Variants in RBMS1 observed in about 807,000 individuals in gnomAD.
RBMS1 encodes RNA binding motif single stranded interacting protein 1.
Under a neutral mutation model 62.3 loss-of-function variants are expected in RBMS1, and 17 were observed. The ratio of observed to expected loss-of-function variants is 0.27; its 90% CI spans 0.19 to 0.41. The LOEUF is 0.41. Ranked by LOEUF, RBMS1 falls within the 10% of genes least tolerant of loss-of-function variation. The pLI is 1.00. For synonymous variants in RBMS1, 172 were observed against 170.0 expected, an observed-to-expected ratio of 1.01 and a Z score of -0.09; for missense variants, 334 against 504.5, an observed-to-expected ratio of 0.66 and a Z score of 3.24.
intron 1 of RBMS1, among the ~76,000 whole-genome samples, chr2:160,443,355 T>A (rs1423514122): frequency 6.6e-6 from 1 of 152,076 alleles, no homozygotes; most frequent in East Asian, 1.9e-4. Flanking sequence ...CAGTTAAGCA[T>A]GTGCTATAGT....
chr2:160,342,422 G>A (rs1691920322), intron 2 of RBMS1, among the ~76,000 whole-genome samples: 1 of 152,042 alleles, frequency 6.6e-6, no homozygotes, highest in Non-Finnish European at 1.5e-5. Context: ...ATATTCTAGA[G>A]GTCAGACAGA....
intron 1 of RBMS1, among the ~76,000 whole-genome samples, chr2:160,383,035 A>G (rs921629980): frequency 1.3e-5 from 2 of 152,214 alleles, no homozygotes; most frequent in Non-Finnish European, 1.5e-5. Context: ...TTAAGATGAA[A>G]TATCAATGGA....
At chr2:160,324,899 TATATATATACACACACAC>T (rs1690821515) in intron 2 of RBMS1, among the ~76,000 whole-genome samples, 1 of 120,750 alleles carries the variant, frequency 8.3e-6, no homozygotes, top group African/African-American at 3.4e-5. Flanking sequence ...TATATATATA[TATATATATACACACACAC>T]ACACACACAC....
At chr2:160,399,276 A>G (rs1450008464) in intron 1 of RBMS1, among the ~76,000 whole-genome samples, 1 of 152,236 alleles carries the variant, frequency 6.6e-6, no homozygotes, top group East Asian at 1.9e-4. Context: ...GAAAGCTATG[A>G]ATCTCTACCA....
chr2:160,294,533 T>G (rs1219379511), intron 6 of RBMS1, among the ~76,000 whole-genome samples: 1 of 152,214 alleles, frequency 6.6e-6, no homozygotes, highest in African/African-American at 2.4e-5. Context: ...TGCTTAGTCA[T>G]CTAGAGACTT....
At chr2:160,334,295 G>A (rs910552959) in intron 2 of RBMS1, among the ~76,000 whole-genome samples, 14 of 152,182 alleles carry the variant, frequency 9.2e-5, no homozygotes, top group African/African-American at 3.4e-4. Flanking sequence ...AATGAGTTTA[G>A]CAATGAATAT....
At position 160,482,275 on chromosome 2, in the gene RBMS1, T is replaced by C. The variant is rs564602070; in HGVS notation, c.75+11014A>G. Among the ~76,000 whole-genome samples the C allele has an allele frequency of 5.3e-5, 8 of 152,258 alleles. No individual in the cohort carries two copies. The East Asian group carries it at 7.7e-4, about 15-fold the overall frequency. On this transcript the variant is annotated intron_variant, in intron 1 of 13. Coordinates refer to ENST00000348849, the MANE Select transcript of RBMS1 (RefSeq NM_016836.4). ...AATGGATACAACCAACCAACAAAGA[T>C]AGAAGTCACACTAGTAGTTACCTTT...
Position 160,287,073 on chromosome 2 carries a change from G to C in RBMS1, c.652C>G (p.Pro218Ala), listed in dbSNP as rs773380136. 1.9e-5 allele frequency: 30 copies of C among 1,613,914 alleles called. No individual in the cohort carries two copies. Among genetic ancestry groups the C allele is most frequent in the Non-Finnish European group, 2.5e-5 (29 of 1,180,018 alleles). The change falls in exon 7 of 14, where the codon CCT (proline) becomes GCT (alanine). Residue 218 changes from proline (P) to alanine (A), a missense_variant. Around this residue, in one of 3 missense-constraint regions of RBMS1, gnomAD observed 182 missense variants for 257.7 expected, o/e 0.71. Coordinates refer to ENST00000348849, the MANE Select transcript of RBMS1 (RefSeq NM_016836.4). ...TPPGVSAPTE[P>A]LLCKFADGGQ... The stretch of plus-strand genomic sequence containing the variant: ...CCATCAGCAAACTTACACAATAAAG[G>C]TTCTGTGGGGGCTAAGTAAACAGAG...
chr2:160,430,381 A>G (rs1317182031), intron 1 of RBMS1, among the ~76,000 whole-genome samples: 1 of 152,194 alleles, frequency 6.6e-6, no homozygotes, highest in Non-Finnish European at 1.5e-5. Context: ...TTTTACATCC[A>G]CTATTTCCTA....
intron 1 of RBMS1, among the ~76,000 whole-genome samples, chr2:160,457,705 A>T (rs762307745): frequency 3.3e-5 from 5 of 152,200 alleles, no homozygotes; most frequent in Non-Finnish European, 7.3e-5. Flanking sequence ...CAGAGCACAG[A>T]CCAGAGATTG....
chr2:160,477,939 C>G (rs1189118153), intron 1 of RBMS1, among the ~76,000 whole-genome samples: 2 of 152,228 alleles, frequency 1.3e-5, no homozygotes, highest in Admixed American at 1.3e-4. Context: ...TTGAAACAAT[C>G]TATTTACACA....
At chr2:160,339,694 C>A (rs1255309848) in intron 2 of RBMS1, among the ~76,000 whole-genome samples, 12 of 115,222 alleles carry the variant, frequency 1.0e-4, no homozygotes, top group Admixed American at 7.4e-4. Flanking sequence ...GTGAGAGATG[C>A]AATTAAAATA....
intron 1 of RBMS1, among the ~76,000 whole-genome samples, chr2:160,408,170 TTC>T (rs1332207863): frequency 6.6e-6 from 1 of 151,520 alleles, no homozygotes; most frequent in Non-Finnish European, 1.5e-5. Flanking sequence ...CCCTCCTCTG[TTC>T]TTTTTCCCCC....
intron 9 of RBMS1, chr2:160,282,838 C>G (rs889232306): frequency 2.0e-5 from 3 of 153,006 alleles, no homozygotes; most frequent in African/African-American, 7.2e-5. Flanking sequence ...CTTAAGGAGT[C>G]ACAGATCACT....
At chr2:160,373,183 C>A (rs776266519) in intron 1 of RBMS1, among the ~76,000 whole-genome samples, 3 of 152,088 alleles carry the variant, frequency 2.0e-5, no homozygotes, top group Non-Finnish European at 4.4e-5. Context: ...GTTACCTTCA[C>A]TATTCCAATA....
intron 1 of RBMS1, among the ~76,000 whole-genome samples, chr2:160,479,014 CAG>C (rs775234121): frequency 2.0e-5 from 3 of 152,168 alleles, no homozygotes; most frequent in Non-Finnish European, 2.9e-5. Context: ...TTGGCTTCAA[CAG>C]AGAGAGGTGG....
chr2:160,419,827 C>T (rs1266088683), intron 1 of RBMS1, among the ~76,000 whole-genome samples: 1 of 152,146 alleles, frequency 6.6e-6, no homozygotes, highest in Non-Finnish European at 1.5e-5. Flanking sequence ...AAAAACCAAA[C>T]ATTTAAAAAG....
chr2:160,449,136 G>T (rs886545411), intron 1 of RBMS1, among the ~76,000 whole-genome samples: 9 of 151,722 alleles, frequency 5.9e-5, no homozygotes, highest in Admixed American at 2.0e-4. Context: ...CCCTCCGCCC[G>T]GCAGCCGCCC....
chr2:160,307,734 T>C (rs1051831763), intron 4 of RBMS1, among the ~76,000 whole-genome samples: 22 of 152,242 alleles, frequency 1.4e-4, no homozygotes, highest in Non-Finnish European at 3.1e-4. Flanking sequence ...AAAAGTTATT[T>C]TCTCAATTAT....
Sources: gnomAD v4.1 joint callset for allele counts (sites outside exome capture counted in the v4.1 genomes callset) on GRCh38, gnomAD v4.1.1 for gene constraint, gnomAD v4.1.1 regional missense constraint, MANE v1.5 for transcripts, NCBI Gene and HGNC (gene_info 2026-07-23, HGNC 2026-07-21) for gene names.